The following COG5 variants were observed in gnomAD, a reference collection of about 807,000 sequenced individuals.
The protein encoded by COG5 is conserved oligomeric Golgi complex subunit 5.
Under a neutral mutation model 110.4 loss-of-function variants are expected in COG5, and 86 were observed. The observed-to-expected ratio is 0.78, with a 90% CI of 0.65 to 0.93. The LOEUF (loss-of-function observed/expected upper bound fraction) is 0.93, where lower values mean the gene tolerates loss of function less well. COG5 is among the 40% of genes least tolerant of loss of function. COG5 has a pLI of 0.00. For missense variants in COG5, 1,077 were observed against 987.0 expected (o/e 1.09, Z -1.22); for synonymous variants, 360 against 334.6 (o/e 1.08, Z -0.83).
intron 18 of COG5, among the ~76,000 whole-genome samples, chr7:107,232,912 A>G (rs963146134): frequency 6.6e-6 from 1 of 152,102 alleles, no homozygotes; most frequent in African/African-American, 2.4e-5. Flanking sequence ...TTCCTTCCCT[A>G]CCACAGACAT....
rs75563098 is a variant in COG5 at position 107,212,448 on chromosome 7, T to C, written c.2169-1223A>G. 9.0e-3 allele frequency among the ~76,000 whole-genome samples: 1,367 copies of C among 152,364 alleles called. 24 individuals are homozygous for C. Among genetic ancestry groups the C allele is most frequent in the African/African-American group, 0.03 (1,254 of 41,590 alleles). ...TTCAATGCTGCAGAGCTTTAGGTGATAATTCAAGTATCTAAACAAATATGA... is the reference window on the plus strand; with the variant it reads ...TTCAATGCTGCAGAGCTTTAGGTGACAATTCAAGTATCTAAACAAATATGA... On this transcript the variant is annotated intron_variant, in intron 19 of 21. Transcript: ENST00000297135.
At position 107,243,307 on chromosome 7, in the gene COG5, A is replaced by C. The variant is rs187448800; in HGVS notation, c.1853+5089T>G. Among the ~76,000 whole-genome samples, 662 of 152,120 alleles carry C rather than the reference A, an allele frequency of 4.4e-3. 3 individuals carry two copies. The highest frequency in any genetic ancestry group is 0.015 in the African/African-American group (634 of 41,496). On this transcript the variant is annotated intron_variant, in intron 17 of 21. Transcript: ENST00000297135. ...GACGGGTGGATCACAAGGTCAGAAG[A>C]TCGAGACCCTCCTGGCTAACACGGT...
intron 1 of COG5, among the ~76,000 whole-genome samples, chr7:107,558,975 G>C (rs1406091635): frequency 1.2e-5 from 1 of 85,028 alleles, no homozygotes; most frequent in Non-Finnish European, 2.4e-5. Context: ...AAGAAAACAA[G>C]ATCATTGTCA....
At chr7:107,508,683 T>A (rs144352469) in intron 6 of COG5, among the ~76,000 whole-genome samples, 2,255 of 152,196 alleles carry the variant, frequency 0.015, 57 homozygotes, top group African/African-American at 0.052. Context: ...GAGACAAAAC[T>A]TCCAGAGGAA....
At chr7:107,432,228 A>G (rs1360250595) in intron 6 of COG5, among the ~76,000 whole-genome samples, 1 of 152,242 alleles carries the variant, frequency 6.6e-6, no homozygotes, top group African/African-American at 2.4e-5. Flanking sequence ...AATCAAAAAG[A>G]GTATGACAAT....
chr7:107,348,192 G>C (rs1244777009), intron 10 of COG5, among the ~76,000 whole-genome samples: 1 of 145,894 alleles, frequency 6.9e-6, no homozygotes. Context: ...TGATAGTTAT[G>C]TCATCTGTAT....
intron 10 of COG5, among the ~76,000 whole-genome samples, chr7:107,325,078 A>T (rs559024745): frequency 1.9e-4 from 29 of 152,282 alleles, no homozygotes; most frequent in African/African-American, 6.7e-4. Context: ...ATATAGTTTT[A>T]AAAAAACTCA....
intron 12 of COG5, among the ~76,000 whole-genome samples, chr7:107,295,482 A>G (rs1806664727): frequency 6.6e-6 from 1 of 152,048 alleles, no homozygotes; most frequent in African/African-American, 2.4e-5. Flanking sequence ...TATCCTGGCT[A>G]TTCATGTTTT....
rs2116795650 is a variant in COG5, at chr7:107,281,266, T to C, written c.1575+34A>G. 2.2e-6 allele frequency: 3 copies of C among 1,337,308 alleles called. No individual in the cohort carries two copies. In the East Asian group the frequency reaches 6.9e-5, roughly 31 times the overall value. 82.8% of individuals were successfully genotyped at this position (1,337,308 alleles called of 1,614,324 possible). A position where few individuals can be genotyped will look rare whatever the true frequency, so the allele number is the denominator to read the frequency against. On this transcript the variant is annotated intron_variant, in intron 14 of 21. Coordinates refer to ENST00000297135, the MANE Select transcript of COG5 (RefSeq NM_006348.5). ...ATATAGTTAGTAATTTTAAATAAAA[T>C]CATTAAAGTTTACAGATAAAGGAAA...
chr7:107,484,137 T>C (rs949125029), intron 6 of COG5, among the ~76,000 whole-genome samples: 1 of 152,066 alleles, frequency 6.6e-6, no homozygotes, highest in Non-Finnish European at 1.5e-5. Context: ...GCTGGCCTTG[T>C]ACTCCTGGGT....
At position 107,203,531 on chromosome 7, in the gene COG5, CAT is replaced by C. The variant is rs777167502; in HGVS notation, c.2473_2474del (p.Met825ValfsTer8). 4.3e-6 allele frequency: 7 copies of C among 1,612,060 alleles called. No individual in the cohort carries two copies. In the Admixed American group the frequency reaches 5.0e-5, roughly 12 times the overall value. Reference sequence around the variant, plus strand: ...TTTCATGTCATTACTGAAGAGCAGACATAGCCTTTTGAAGCAGCTGAACCATT... The same window carrying C: ...TTTCATGTCATTACTGAAGAGCAGACAGCCTTTTGAAGCAGCTGAACCATT... ...PIMVQLLQKA[M>X]SALQ On this transcript the variant is annotated frameshift_variant, in exon 22 of 22. Coordinates refer to ENST00000297135, the MANE Select transcript of COG5 (RefSeq NM_006348.5). LOFTEE classifies it high-confidence loss of function.
intron 10 of COG5, among the ~76,000 whole-genome samples, chr7:107,353,663 A>AGG (rs1292304821): frequency 6.6e-6 from 1 of 152,180 alleles, no homozygotes; most frequent in East Asian, 1.9e-4. Context: ...AATACCACTT[A>AGG]GGTTATGAGC....
chr7:107,544,933 A>G (rs1382262539), intron 5 of COG5, among the ~76,000 whole-genome samples: 1 of 152,210 alleles, frequency 6.6e-6, no homozygotes, highest in Non-Finnish European at 1.5e-5. Flanking sequence ...TCAACAAAGA[A>G]ACAGAAACCA....
At chr7:107,298,967 T>G (rs1438310598) in intron 11 of COG5, among the ~76,000 whole-genome samples, 1 of 152,080 alleles carries the variant, frequency 6.6e-6, no homozygotes, top group Non-Finnish European at 1.5e-5. Flanking sequence ...AAAAGGGAAA[T>G]GAGAAGTATT....
At chr7:107,347,451 C>T (rs1325576379) in intron 10 of COG5, among the ~76,000 whole-genome samples, 1 of 152,084 alleles carries the variant, frequency 6.6e-6, no homozygotes, top group Non-Finnish European at 1.5e-5. Context: ...TTACATGTAG[C>T]TTTCTATAGA....
At chr7:107,471,783 T>C (rs1796648283) in intron 6 of COG5, 1 of 152,066 alleles carries the variant, frequency 6.6e-6, no homozygotes, top group South Asian at 2.1e-4. Flanking sequence ...AATATTCAGA[T>C]ATTCATATCA....
intron 19 of COG5, among the ~76,000 whole-genome samples, chr7:107,227,450 C>T (rs1033329700): frequency 3.9e-5 from 6 of 151,910 alleles, no homozygotes; most frequent in Non-Finnish European, 8.8e-5. Context: ...ATTGATCAAG[C>T]GATTCTTGAT....
At chr7:107,213,972 TA>T (rs1799344606) in intron 19 of COG5, among the ~76,000 whole-genome samples, 1 of 152,102 alleles carries the variant, frequency 6.6e-6, no homozygotes, top group Non-Finnish European at 1.5e-5. Flanking sequence ...ACAATCCTCT[TA>T]AGGAAGTTCA....
intron 13 of COG5, 143 bp from the exon 14 acceptor site, chr7:107,281,542 T>C: frequency 1.4e-6 from 1 of 692,610 alleles, no homozygotes; most frequent in Non-Finnish European, 2.5e-6. Flanking sequence ...GTTGCATTGT[T>C]TCATTTTACC....
Sources: allele counts gnomAD v4.1 joint callset (sites outside exome capture counted in the v4.1 genomes callset), GRCh38; gene constraint gnomAD v4.1.1; transcripts MANE v1.5; gene names NCBI Gene and HGNC (gene_info 2026-07-23, HGNC 2026-07-21).